Variants in SPOCK3 observed in about 807,000 individuals in gnomAD.
The protein encoded by SPOCK3 is SPARC (osteonectin), cwcv and kazal like domains proteoglycan 3, also known as testican-3.
In SPOCK3, 30 loss-of-function variants were observed where a neutral mutation model predicts 56.6. That is an observed-to-expected ratio of 0.53 (90% CI 0.40 to 0.72). The LOEUF (loss-of-function observed/expected upper bound fraction) is 0.72. Among genes scored for constraint, SPOCK3 ranks in the 30% least tolerant of loss-of-function variants. SPOCK3 has a pLI of 0.00. For missense variants in SPOCK3, 527 were observed against 530.0 expected, an observed-to-expected ratio of 0.99 and a Z score of 0.06; for synonymous variants, 196 against 183.3, an observed-to-expected ratio of 1.07 and a Z score of -0.56.
chr4:167,218,785 T>C (rs954998931), intron 2 of SPOCK3, among the ~76,000 whole-genome samples: 1 of 152,088 alleles, frequency 6.6e-6, no homozygotes, highest in Non-Finnish European at 1.5e-5. Context: ...AATTCTGAAA[T>C]AAACAATTTT....
At chr4:166,819,680 C>T (rs1270162548) in intron 6 of SPOCK3, among the ~76,000 whole-genome samples, 2 of 150,700 alleles carry the variant, frequency 1.3e-5, no homozygotes, top group African/African-American at 2.4e-5. Context: ...ACTGAAACTA[C>T]AAAAGTTGCT....
At chr4:166,798,653 C>T (rs1020475198) in intron 6 of SPOCK3, among the ~76,000 whole-genome samples, 1 of 152,138 alleles carries the variant, frequency 6.6e-6, no homozygotes, top group African/African-American at 2.4e-5. Context: ...AGAAACACAT[C>T]CCTCTTGGCA....
intron 4 of SPOCK3, among the ~76,000 whole-genome samples, chr4:166,959,738 G>C (rs937384714): frequency 1.3e-5 from 2 of 152,038 alleles, no homozygotes; most frequent in African/African-American, 4.8e-5. Flanking sequence ...ACCTTGTAGA[G>C]CTAGAGCTGA....
At chr4:166,828,488 T>G (rs184046874) in intron 6 of SPOCK3, among the ~76,000 whole-genome samples, 1 of 152,128 alleles carries the variant, frequency 6.6e-6, no homozygotes, top group Non-Finnish European at 1.5e-5. Flanking sequence ...ACTTATCATA[T>G]TATGTGGGGA....
intron 4 of SPOCK3, among the ~76,000 whole-genome samples, chr4:166,917,866 T>C (rs1738047795): frequency 6.6e-6 from 1 of 152,122 alleles, no homozygotes; most frequent in South Asian, 2.1e-4. Context: ...TGAAAACTAA[T>C]ACATACCAAT....
At chr4:166,885,279 C>T (rs546699313) in intron 6 of SPOCK3, among the ~76,000 whole-genome samples, 92 of 150,504 alleles carry the variant, frequency 6.1e-4, no homozygotes, top group African/African-American at 2.2e-3. Flanking sequence ...AAAATAACCA[C>T]CCACCCCAAC....
At chr4:167,065,562 C>T (rs1345249955) in intron 2 of SPOCK3, among the ~76,000 whole-genome samples, 1 of 151,738 alleles carries the variant, frequency 6.6e-6, no homozygotes, top group Non-Finnish European at 1.5e-5. Context: ...AGCCTGGCCA[C>T]TGTGGGGATC....
chr4:166,875,272 G>A (rs1009795312), intron 6 of SPOCK3, among the ~76,000 whole-genome samples: 1 of 151,948 alleles, frequency 6.6e-6, no homozygotes, highest in Non-Finnish European at 1.5e-5. Flanking sequence ...AAAATCCCAA[G>A]TTAGTTTATA....
At chr4:167,185,091 T>C (rs747073795) in intron 2 of SPOCK3, among the ~76,000 whole-genome samples, 22 of 152,344 alleles carry the variant, frequency 1.4e-4, no homozygotes, top group Non-Finnish European at 2.6e-4. Flanking sequence ...GTCTGGGTTC[T>C]ACCTCTGTGT....
upstream of SPOCK3, chr4:167,234,514 G>T: frequency 3.2e-6 from 1 of 307,754 alleles, no homozygotes; most frequent in Non-Finnish European, 6.1e-6. Context: ...CTGCCAACTC[G>T]CTGCTTTCTG....
intron 2 of SPOCK3, among the ~76,000 whole-genome samples, chr4:167,119,012 T>C (rs894685631): frequency 6.6e-6 from 1 of 151,924 alleles, no homozygotes; most frequent in African/African-American, 2.4e-5. Context: ...TTTATCTACA[T>C]GCCTAGAAAT....
At chr4:167,034,859 G>T (rs1012177772) in intron 3 of SPOCK3, among the ~76,000 whole-genome samples, 1 of 152,172 alleles carries the variant, frequency 6.6e-6, no homozygotes, top group African/African-American at 2.4e-5. Flanking sequence ...AAATATAAAA[G>T]TAATTTATCT....
At chr4:167,130,438 A>AGAAAACAAAG (rs1762614599) in intron 2 of SPOCK3, among the ~76,000 whole-genome samples, 1 of 152,190 alleles carries the variant, frequency 6.6e-6, no homozygotes, top group Non-Finnish European at 1.5e-5. Context: ...GTCAATATAG[A>AGAAAACAAAG]GAAAACAAAG....
chr4:167,037,461 G>A (rs1167923793), intron 3 of SPOCK3, among the ~76,000 whole-genome samples: 1 of 146,356 alleles, frequency 6.8e-6, no homozygotes, highest in Non-Finnish European at 1.5e-5. Flanking sequence ...CGGCCTGGGC[G>A]ACAGAGCCAG....
intron 6 of SPOCK3, among the ~76,000 whole-genome samples, chr4:166,860,612 A>G (rs908122986): frequency 6.6e-6 from 1 of 151,682 alleles, no homozygotes; most frequent in Non-Finnish European, 1.5e-5. Context: ...GATGTTTGAT[A>G]TATCATACAC....
At chr4:167,034,279 T>A (rs1330975264) in intron 3 of SPOCK3, among the ~76,000 whole-genome samples, 1 of 151,874 alleles carries the variant, frequency 6.6e-6, no homozygotes, top group Admixed American at 6.6e-5. Flanking sequence ...GATATTAGAC[T>A]TAGAAATTAG....
At chr4:166,736,092 T>C (rs981866929) in intron 10 of SPOCK3, among the ~76,000 whole-genome samples, 1 of 152,060 alleles carries the variant, frequency 6.6e-6, no homozygotes, top group Non-Finnish European at 1.5e-5. Flanking sequence ...ACAAATCCTA[T>C]TGATGTAATT....
chr4:167,002,819 G>A (rs1017687658), intron 3 of SPOCK3, among the ~76,000 whole-genome samples: 5 of 152,114 alleles, frequency 3.3e-5, no homozygotes, highest in African/African-American at 9.7e-5. Flanking sequence ...AGTGTTTTGA[G>A]CTATTTCTAA....
At chr4:167,216,537 A>T (rs1735378468) in intron 2 of SPOCK3, among the ~76,000 whole-genome samples, 1 of 152,068 alleles carries the variant, frequency 6.6e-6, no homozygotes, top group South Asian at 2.1e-4. Context: ...TGCAGAGAAG[A>T]CCCTGACAGG....
Sources: allele counts gnomAD v4.1 joint callset (sites outside exome capture counted in the v4.1 genomes callset), GRCh38; gene constraint gnomAD v4.1.1; transcripts MANE v1.5; gene names NCBI Gene and HGNC (gene_info 2026-07-23, HGNC 2026-07-21).